Variants in COL21A1 observed in about 807,000 individuals in gnomAD.
COL21A1 encodes the protein collagen type XXI alpha 1 chain.
A neutral mutation model predicts 137.9 loss-of-function variants in COL21A1; 149 were observed. The ratio of observed to expected loss-of-function variants is 1.08; its 90% confidence interval spans 0.95 to 1.24. The LOEUF (loss-of-function observed/expected upper bound fraction) is 1.24. Ranked by LOEUF, COL21A1 falls within the 50% of genes most tolerant of loss-of-function variation. The pLI, the probability that COL21A1 is intolerant of heterozygous loss-of-function variation, is 0.00. For missense variants in COL21A1, 1,167 were observed against 1,158.4 expected, an observed-to-expected ratio of 1.01 and a Z score of -0.11; for synonymous variants, 456 against 391.5, an observed-to-expected ratio of 1.16 and a Z score of -1.95.
At chr6:56,229,867 A>T (rs1781441462) in intron 1 of COL21A1, among the ~76,000 whole-genome samples, 1 of 151,908 alleles carries the variant, frequency 6.6e-6, no homozygotes, top group Non-Finnish European at 1.5e-5. Flanking sequence ...GTACAAATTC[A>T]TCCCCTCCAC....
At chr6:56,352,506 C>T (rs913846845) in intron 1 of COL21A1, among the ~76,000 whole-genome samples, 8 of 151,638 alleles carry the variant, frequency 5.3e-5, no homozygotes, top group South Asian at 2.1e-4. Flanking sequence ...CACCAGAGCT[C>T]CCAGGGAATC....
intron 24 of COL21A1, among the ~76,000 whole-genome samples, 161 bp downstream of exon 24, chr6:56,064,417 A>C (rs1366738498): frequency 6.6e-6 from 1 of 152,040 alleles, no homozygotes. Flanking sequence ...AAAGAAACTC[A>C]TTATCACCAC....
intron 1 of COL21A1, among the ~76,000 whole-genome samples, chr6:56,275,462 A>T (rs529789791): frequency 1.3e-5 from 2 of 152,314 alleles, no homozygotes; most frequent in South Asian, 4.1e-4. Flanking sequence ...CAAACTGTGC[A>T]TCTGACAAAG....
At position 56,060,042 on chromosome 6, in the gene COL21A1, G is replaced by A. The variant is rs1035954726; in HGVS notation, c.2584C>T (p.Arg862Cys). Residue 862 changes from arginine to cysteine, a missense_variant, in exon 28 of 30, where the codon CGT becomes TGT. By Grantham distance (180) the Arg-to-Cys change is radical. Transcript: ENST00000244728. ...GVPGLVGVPG[R>C]PGVRGLKGLP... ...CCTTTTAATCCTCTGACACCTGGAC[G>A]TCCAGGGACACCCACTAATCCAGGA... 12 of 1,604,982 alleles carry A rather than the reference G, an allele frequency of 7.5e-6. No individual in the cohort carries two copies. The highest frequency in any genetic ancestry group is 2.3e-5 in the East Asian group (1 of 44,252).
Position 56,089,763 on chromosome 6 carries a change from G to C in COL21A1, c.1812+11709C>G, listed in dbSNP as rs115342774. Among the ~76,000 whole-genome samples the C allele has an allele frequency of 1.1e-3, 168 of 152,256 alleles. 1 individual carries two copies. Among genetic ancestry groups the C allele is most frequent in the African/African-American group, 3.8e-3 (156 of 41,550 alleles). On this transcript the variant is annotated intron_variant, in intron 17 of 29. Transcript: ENST00000244728. ...ACAATAATGAGATTCTATTTACTTA[G>C]AGGATATGTTATCCATTCTAAGAAT...
chr6:56,366,427 A>G (rs1347421229), intron 1 of COL21A1, among the ~76,000 whole-genome samples: 1 of 152,186 alleles, frequency 6.6e-6, no homozygotes, highest in African/African-American at 2.4e-5. Context: ...AATTCTCAGA[A>G]GCTGAGAATC....
At chr6:56,171,265 G>A (rs1777028839) in intron 3 of COL21A1, 137 bp from the exon 4 acceptor site, 3 of 430,054 alleles carry the variant, frequency 7.0e-6, no homozygotes, top group Admixed American at 4.2e-5. Flanking sequence ...CAAATGTATA[G>A]TATATAAATG....
intron 17 of COL21A1, among the ~76,000 whole-genome samples, chr6:56,094,593 T>C (rs1368459768): frequency 6.6e-6 from 1 of 152,162 alleles, no homozygotes; most frequent in Non-Finnish European, 1.5e-5. Flanking sequence ...TTTAGGTACT[T>C]AGGTACTTAC....
At chr6:56,136,114 C>G (rs1308571701) in intron 12 of COL21A1, among the ~76,000 whole-genome samples, 1 of 152,102 alleles carries the variant, frequency 6.6e-6, no homozygotes, top group African/African-American at 2.4e-5. Context: ...GATTTAAAAG[C>G]CAATGTTTGA....
intron 1 of COL21A1, among the ~76,000 whole-genome samples, chr6:56,304,330 T>A (rs1764381393): frequency 6.6e-6 from 1 of 152,122 alleles, no homozygotes; most frequent in African/African-American, 2.4e-5. Flanking sequence ...CTTGTACCTC[T>A]GGTAGAATTC....
intron 1 of COL21A1, among the ~76,000 whole-genome samples, chr6:56,391,843 T>C (rs927551907): frequency 5.3e-5 from 8 of 152,094 alleles, no homozygotes; most frequent in African/African-American, 1.9e-4. Context: ...CAACAACAAG[T>C]AACAAGACAG....
At chr6:56,210,342 G>A (rs1049166532) in intron 1 of COL21A1, among the ~76,000 whole-genome samples, 2 of 152,080 alleles carry the variant, frequency 1.3e-5, no homozygotes, top group African/African-American at 4.8e-5. Context: ...CACCTTTGAA[G>A]GCTGCTAATA....
intron 12 of COL21A1, among the ~76,000 whole-genome samples, chr6:56,130,163 TTTTATATATATATATATATATATATA>T (rs1216803622): frequency 2.1e-5 from 2 of 96,028 alleles, no homozygotes; most frequent in Non-Finnish European, 4.4e-5. Flanking sequence ...CATGACAGGG[TTTTATATATATATATATATATATATA>T]TATATATATA....
intron 12 of COL21A1, among the ~76,000 whole-genome samples, chr6:56,132,926 C>T (rs1334576844): frequency 6.6e-6 from 1 of 152,172 alleles, no homozygotes; most frequent in Non-Finnish European, 1.5e-5. Flanking sequence ...ATTGTGAGGC[C>T]TCCCCAGCCA....
At chr6:56,380,537 C>T (rs2094007104) in intron 1 of COL21A1, among the ~76,000 whole-genome samples, 1 of 152,184 alleles carries the variant, frequency 6.6e-6, no homozygotes, top group African/African-American at 2.4e-5. Flanking sequence ...CAAACCAATA[C>T]TCACAGGGCC....
chr6:56,305,201 T>C (rs1258018803), intron 1 of COL21A1, among the ~76,000 whole-genome samples: 1 of 152,164 alleles, frequency 6.6e-6, no homozygotes, highest in Non-Finnish European at 1.5e-5. Context: ...GAGAAGAATG[T>C]ATATTCTGTT....
chr6:56,310,275 T>C (rs147076045), intron 1 of COL21A1, among the ~76,000 whole-genome samples: 1 of 152,296 alleles, frequency 6.6e-6, no homozygotes, highest in Non-Finnish European at 1.5e-5. Flanking sequence ...TGGGTGCCTA[T>C]CTTTTTGCTG....
intron 1 of COL21A1, among the ~76,000 whole-genome samples, chr6:56,266,365 T>C (rs1763390385): frequency 6.6e-6 from 1 of 152,226 alleles, no homozygotes; most frequent in South Asian, 2.1e-4. Flanking sequence ...TAAAGTTTCA[T>C]TGGAACACAG....
intron 1 of COL21A1, among the ~76,000 whole-genome samples, chr6:56,387,968 G>A (rs1037608826): frequency 6.6e-6 from 1 of 152,046 alleles, no homozygotes; most frequent in Non-Finnish European, 1.5e-5. Flanking sequence ...GCATCATCCC[G>A]CCCCCAGCTC....
Sources: gnomAD v4.1 joint callset for allele counts (sites outside exome capture counted in the v4.1 genomes callset) on GRCh38, gnomAD v4.1.1 for gene constraint, MANE v1.5 for transcripts, NCBI Gene and HGNC (gene_info 2026-07-23, HGNC 2026-07-21) for gene names.